Variants in SUN2 observed in about 807,000 individuals in gnomAD.
The protein encoded by SUN2 is Sad1 and UNC84 domain containing 2.
Under a neutral mutation model 100.0 loss-of-function variants are expected in SUN2, and 60 were observed. That is an observed-to-expected ratio of 0.60 (90% CI 0.49 to 0.74). The LOEUF (loss-of-function observed/expected upper bound fraction) is 0.74, where lower values mean the gene tolerates loss of function less well. Among genes scored for constraint, SUN2 ranks in the 30% least tolerant of loss-of-function variants. The pLI is 0.00. For synonymous variants in SUN2, 367 were observed against 403.3 expected, an observed-to-expected ratio of 0.91 and a Z score of 1.08; for missense variants, 834 against 954.6, an observed-to-expected ratio of 0.87 and a Z score of 1.66.
chr22:38,735,132 C>T lies in SUN2; in HGVS notation c.*1135G>A, dbSNP rs2092791175. The stretch of plus-strand genomic sequence containing the variant: ...AAATATATACATAATACAGTGGGGC[C>T]TGCTGGCTCTAAAAGTCCCCTCCTC... On this transcript the variant is annotated 3_prime_UTR_variant, in exon 18 of 18. Coordinates refer to ENST00000689035, the MANE Select transcript of SUN2 (RefSeq NM_015374.3). The T allele has an allele frequency of 2.4e-6, 1 of 414,358 alleles. No individual in the cohort carries two copies. Among genetic ancestry groups the T allele is most frequent in the Non-Finnish European group, 4.7e-6 (1 of 211,090 alleles). The allele number at this position is 414,358 out of a possible 1,614,324, so 25.7% of individuals were successfully genotyped here.
In SUN2 at chr22:38,739,092, C is replaced by T; in HGVS notation, c.1664-104G>A. 1 of 1,204,484 alleles carries T rather than the reference C, an allele frequency of 8.3e-7. No individual in the cohort carries two copies. Among genetic ancestry groups the T allele is most frequent in the South Asian group, 1.3e-5 (1 of 75,974 alleles). The allele number at this position is 1,204,484 out of a possible 1,614,324, so 74.6% of individuals were successfully genotyped here. A position where few individuals can be genotyped will look rare whatever the true frequency, so the allele number is the denominator to read the frequency against. On this transcript the variant is annotated intron_variant, in intron 14 of 17. Transcript: ENST00000689035. The surrounding 1 kb of genome is among the most constrained non-coding windows in gnomAD (Gnocchi z 6.7). Reference sequence around the variant, plus strand: ...GAAGGTGGACGGCAGATGCCCCAGGCCTAGCCTTTAACCCTAACCGAGATG... The same window carrying T: ...GAAGGTGGACGGCAGATGCCCCAGGTCTAGCCTTTAACCCTAACCGAGATG...
In SUN2 at chr22:38,738,915, G is replaced by C. The variant is rs776822245; in HGVS notation, c.1737C>G (p.Ile579Met). ...TKTALLSLFG[I>M]PLWYHSQSPR... The stretch of plus-strand genomic sequence containing the variant: ...GTGACTGGGAGTGGTACCACAGGGG[G>C]ATGCCGAAGAGGCTGAGGAGGGCCG... Residue 579 changes from isoleucine to methionine, a missense_variant, in exon 15 of 18, where the codon ATC becomes ATG. Around this residue, in one of 3 missense-constraint regions of SUN2, gnomAD observed 195 missense variants for 280.2 expected, o/e 0.70. Transcript: ENST00000689035. The surrounding 1 kb of genome is among the most constrained non-coding windows in gnomAD (Gnocchi z 6.6). 12 of 1,612,380 alleles carry C rather than the reference G, an allele frequency of 7.4e-6. No individual in the cohort carries two copies. The South Asian group carries it at 1.3e-4, about 18-fold the overall frequency.
chr22:38,753,890 T>C (rs887810396), intron 1 of SUN2, among the ~76,000 whole-genome samples: 1 of 152,194 alleles, frequency 6.6e-6, no homozygotes, highest in Non-Finnish European at 1.5e-5. Context: ...TTCCAGTTGT[T>C]TCAGGAATGT....
intron 8 of SUN2, chr22:38,743,942 T>C (rs1368396403): frequency 6.6e-6 from 1 of 151,988 alleles, no homozygotes; most frequent in African/African-American, 2.4e-5. Context: ...CAAAAATAGA[T>C]GGTTAAACAT....
At chr22:38,750,163 G>C in intron 5 of SUN2, 62 bp downstream of exon 5, 1 of 1,579,516 alleles carries the variant, frequency 6.3e-7, no homozygotes, top group Non-Finnish European at 8.6e-7. Flanking sequence ...CAACTGCAGA[G>C]AGATGGGTAA....
At chr22:38,752,778 C>CCG in intron 1 of SUN2, 113 bp from the exon 2 acceptor site, 1 of 1,158,098 alleles carries the variant, frequency 8.6e-7, no homozygotes, top group Non-Finnish European at 1.2e-6. Flanking sequence ...ACCACCCCCC[C>CCG]GGCCCCCGGC....
In SUN2 at chr22:38,740,869, G is replaced by T. The variant is rs116468598; in HGVS notation, c.1190+138C>A. 0.025 allele frequency: 24,592 copies of T among 990,822 alleles called. 455 individuals are homozygous for T. The highest frequency in any genetic ancestry group is 0.052 in the South Asian group (3,640 of 70,276). The allele number at this position is 990,822 out of a possible 1,614,324, so 61.4% of individuals were successfully genotyped here. A position where few individuals can be genotyped will look rare whatever the true frequency, so the allele number is the denominator to read the frequency against. On this transcript the variant is annotated intron_variant, in intron 11 of 17. Transcript: ENST00000689035. The surrounding 1 kb of genome is among the most constrained non-coding windows in gnomAD (Gnocchi z 4.8). The stretch of plus-strand genomic sequence containing the variant: ...GCCCTGGGCAGGGGTCCTGAGCTGG[G>T]TTTCAACCCCTCCCCCTACCATCTG...
In SUN2 at chr22:38,738,845, C is replaced by T. The variant is rs907628457; in HGVS notation, c.1779+28G>A. On this transcript the variant is annotated intron_variant, in intron 15 of 17. Coordinates refer to ENST00000689035, the MANE Select transcript of SUN2 (RefSeq NM_015374.3). This position sits in a 1 kb window ranked among gnomAD's most constrained non-coding sequence, Gnocchi z 6.6. ...ACCAGCCCTCAGTGTGCTCAGAGCC[C>T]CCGCTGCTGTGCTTGCCAGGTGCCC... is the stretch of plus-strand genomic sequence containing the variant. 13 of 1,595,304 alleles carry T rather than the reference C, an allele frequency of 8.1e-6. No homozygotes were observed. The highest frequency in any genetic ancestry group is 8.0e-5 in the African/African-American group (6 of 74,652).
rs2092845097 is a variant in SUN2 at position 38,740,313 on chromosome 22, T to G, written c.1310A>C (p.Glu437Ala). 1.2e-6 allele frequency: 2 copies of G among 1,603,618 alleles called. No homozygotes were observed. Among genetic ancestry groups the G allele is most frequent in the Middle Eastern group, 1.9e-4 (1 of 5,360 alleles). Residue 437 changes from glutamate to alanine, a missense_variant, in exon 12 of 18, where the codon GAA (glutamate) becomes GCA (alanine). This residue lies in a region of SUN2 where 559 missense variants were observed against 597.7 expected (regional missense o/e 0.94). Coordinates refer to ENST00000689035, the MANE Select transcript of SUN2 (RefSeq NM_015374.3). This position sits in a 1 kb window ranked among gnomAD's most constrained non-coding sequence, Gnocchi z 4.8. ...CTGCTGGGGCAGCAGGCCCACTTCT[T>G]CCGCCACCGAGCTCTGCTTCAGTGC... Reference protein sequence around the residue: ...ALALKQSSVAEEVGLLPQQIQ... With the variant: ...ALALKQSSVAAEVGLLPQQIQ...
In SUN2 at chr22:38,738,330, A is replaced by G. The variant is rs2092825167; in HGVS notation, c.1948-65T>C. The G allele has an allele frequency of 8.6e-6, 12 of 1,399,886 alleles. No individual in the cohort carries two copies. The South Asian group carries it at 1.2e-4, about 14-fold the overall frequency. The allele number at this position is 1,399,886 out of a possible 1,614,324, so 86.7% of individuals were successfully genotyped here. A position where few individuals can be genotyped will look rare whatever the true frequency, so the allele number is the denominator to read the frequency against. On this transcript the variant is annotated intron_variant, in intron 16 of 17. Transcript: ENST00000689035. This position sits in a 1 kb window ranked among gnomAD's most constrained non-coding sequence, Gnocchi z 6.6. ...AGGGAGAACACCCCTCCCCACTCCA[A>G]TCCCTGCTCCTCCCACCCAGCAGGT...
Position 38,740,906 on chromosome 22 carries a change from G to T in SUN2, c.1190+101C>A. ...CCCCCTACCATCTGCTTGGCAAGAT[G>T]ATCAGAACTCTCTGCTCTGCGGCTC... On this transcript the variant is annotated intron_variant, in intron 11 of 17. Coordinates refer to ENST00000689035, the MANE Select transcript of SUN2 (RefSeq NM_015374.3). The surrounding 1 kb of genome is among the most constrained non-coding windows in gnomAD (Gnocchi z 4.8). The T allele has an allele frequency of 1.5e-6, 2 of 1,294,810 alleles. No homozygotes were observed. The highest frequency in any genetic ancestry group is 2.2e-6 in the Non-Finnish European group (2 of 922,434). The allele number at this position is 1,294,810 out of a possible 1,614,324, so 80.2% of individuals were successfully genotyped here.
At position 38,740,997 on chromosome 22, in the gene SUN2, C is replaced by T. The variant is rs367607098; in HGVS notation, c.1190+10G>A. The stretch of plus-strand genomic sequence containing the variant: ...GGAGCAGGCCGAGGCCAGCTGGTGG[C>T]GCCCAGTACCTTTGCCACTCTGACT... On this transcript the variant is annotated intron_variant, in intron 11 of 17. Coordinates refer to ENST00000689035, the MANE Select transcript of SUN2 (RefSeq NM_015374.3). This position sits in a 1 kb window ranked among gnomAD's most constrained non-coding sequence, Gnocchi z 4.8. 2.2e-4 allele frequency: 350 copies of T among 1,588,336 alleles called. 5 individuals are homozygous for T. The highest frequency in any genetic ancestry group is 1.5e-3 in the South Asian group (132 of 87,204).
In SUN2 at chr22:38,739,982, C is replaced by T; in HGVS notation, c.1357-39G>A. On this transcript the variant is annotated intron_variant, in intron 12 of 17. Transcript: ENST00000689035. The surrounding 1 kb of genome is among the most constrained non-coding windows in gnomAD (Gnocchi z 6.7). ...AAGGGGTGTCACCCTGGGGGGCTTGCAGGGACAGCAGGAGCTGCTATGACA... is the reference window on the plus strand; with the variant it reads ...AAGGGGTGTCACCCTGGGGGGCTTGTAGGGACAGCAGGAGCTGCTATGACA... The T allele has an allele frequency of 1.9e-6, 3 of 1,589,760 alleles. No individual in the cohort carries two copies. Among genetic ancestry groups the T allele is most frequent in the Non-Finnish European group, 2.6e-6 (3 of 1,169,756 alleles).
In SUN2 at chr22:38,740,441, A is replaced by T. The variant is rs1288919646; in HGVS notation, c.1191-9T>A. On this transcript the variant is annotated splice_polypyrimidine_tract_variant and intron_variant, in intron 11 of 17. Coordinates refer to ENST00000689035, the MANE Select transcript of SUN2 (RefSeq NM_015374.3). This position sits in a 1 kb window ranked among gnomAD's most constrained non-coding sequence, Gnocchi z 4.8. ...AGGACTCCTGGGTCATGCTGGTCCC[A>T]GAGAGAGAAGAGTAAGCCTCGGATC... 1 of 1,479,502 alleles carries T rather than the reference A, an allele frequency of 6.8e-7. No homozygotes were observed. Among genetic ancestry groups the T allele is most frequent in the African/African-American group, 1.4e-5 (1 of 71,044 alleles). The allele number at this position is 1,479,502 out of a possible 1,614,324, so 91.6% of individuals were successfully genotyped here.
rs763323157 is a variant in SUN2 at position 38,741,504 on chromosome 22, C to T, written c.1136G>A (p.Arg379Gln). The T allele has an allele frequency of 3.0e-5, 49 of 1,613,946 alleles. No individual in the cohort carries two copies. The highest frequency in any genetic ancestry group is 6.7e-5 in the Admixed American group (4 of 60,028). ...CGCAAGCCCGCTGACCTGGGAGGCC[C>T]GGACGATCTTCTTGAAGAGGTCTTC... ...DSEDLFKKIV[R>Q]ASQESEARIQ... The change falls in exon 10 of 18, where the codon CGG (arginine) becomes CAG (glutamine). Residue 379 changes from arginine (R) to glutamine (Q), a missense_variant. By Grantham distance (43) the Arg-to-Gln change is conservative (BLOSUM62 1). Around this residue, in one of 3 missense-constraint regions of SUN2, gnomAD observed 559 missense variants for 597.7 expected, o/e 0.94. Transcript: ENST00000689035.
At chr22:38,745,240 C>T (rs991182004) in intron 8 of SUN2, 2 of 467,072 alleles carry the variant, frequency 4.3e-6, no homozygotes, top group Middle Eastern at 5.4e-4. Flanking sequence ...GACCAGCTGG[C>T]CCCCAGCTGA....
In SUN2 at chr22:38,738,319, TC is replaced by T; in HGVS notation, c.1948-55del. ...GGGGCTGGAGCAGGGAGAACACCCC[TC>T]CCCACTCCAATCCCTGCTCCTCCCA... is the stretch of plus-strand genomic sequence containing the variant. On this transcript the variant is annotated intron_variant, in intron 16 of 17. Coordinates refer to ENST00000689035, the MANE Select transcript of SUN2 (RefSeq NM_015374.3). This position sits in a 1 kb window ranked among gnomAD's most constrained non-coding sequence, Gnocchi z 6.6. 1 of 1,471,462 alleles carries T rather than the reference TC, an allele frequency of 6.8e-7. No homozygotes were observed. The highest frequency in any genetic ancestry group is 9.4e-7 in the Non-Finnish European group (1 of 1,060,200). 91.2% of individuals were successfully genotyped at this position (1,471,462 alleles called of 1,614,324 possible).
chr22:38,742,611 C>A (rs1032150222), intron 8 of SUN2, 56 bp from the exon 9 acceptor site: 4 of 1,551,758 alleles, frequency 2.6e-6, no homozygotes, highest in Non-Finnish European at 2.6e-6. Flanking sequence ...ATAGTGCTTC[C>A]CAAAGACCAC....
In SUN2 at chr22:38,740,045, A is replaced by C; in HGVS notation, c.1357-102T>G. On this transcript the variant is annotated intron_variant, in intron 12 of 17. Transcript: ENST00000689035. This position sits in a 1 kb window ranked among gnomAD's most constrained non-coding sequence, Gnocchi z 4.8. ...AGCTGGATAGCAGGGATAGGGTAGG[A>C]GGGAGGCCACTGGAGGAAAGAGTTA... The C allele has an allele frequency of 3.0e-5, 41 of 1,380,418 alleles. No homozygotes were observed. The highest frequency in any genetic ancestry group is 4.0e-5 in the Non-Finnish European group (41 of 1,012,364). 85.5% of individuals were successfully genotyped at this position (1,380,418 alleles called of 1,614,324 possible).
Sources: gnomAD v4.1 joint callset for allele counts (sites outside exome capture counted in the v4.1 genomes callset) on GRCh38, gnomAD v4.1.1 for gene constraint, gnomAD v4.1.1 regional missense constraint, Gnocchi (gnomAD v3.1) non-coding constraint, MANE v1.5 for transcripts, NCBI Gene and HGNC (gene_info 2026-07-23, HGNC 2026-07-21) for gene names.